The following TMEM59 variants were observed in gnomAD, a reference collection of about 807,000 sequenced individuals.
TMEM59 encodes dendritic cell factor 1.
Under a neutral mutation model 42.2 loss-of-function variants are expected in TMEM59, and 44 were observed. That is an observed-to-expected ratio of 1.04 (90% CI 0.82 to 1.34). The LOEUF (loss-of-function observed/expected upper bound fraction) is 1.34. Ranked by LOEUF, TMEM59 falls within the 40% of genes most tolerant of loss-of-function variation. The probability of loss-of-function intolerance (pLI) is 0.00; values close to 1 mark genes in which losing one functional copy is unlikely to be tolerated. For missense variants in TMEM59, 359 were observed against 382.8 expected (o/e 0.94, Z 0.52); for synonymous variants, 148 against 145.8 (o/e 1.02, Z -0.11).
At chr1:54,050,937 C>T (rs1375353909) in intron 1 of TMEM59, among the ~76,000 whole-genome samples, 3 of 151,966 alleles carry the variant, frequency 2.0e-5, no homozygotes, top group Admixed American at 6.6e-5. Context: ...CGGCTCACTG[C>T]GACCTGCGCC....
rs569864156 is a variant in TMEM59, at chr1:54,053,097, C to T, written c.92G>A (p.Gly31Glu). 3.2e-5 allele frequency: 51 copies of T among 1,614,264 alleles called. 1 individual carries two copies. The Admixed American group carries it at 6.3e-4, about 20-fold the overall frequency. Residue 31 changes from glycine to glutamate, a missense_variant, in exon 1 of 8, where the codon GGG (glycine) becomes GAG (glutamate). By Grantham distance (98) the Gly-to-Glu change is moderately conservative. Transcript: ENST00000234831. ...GTCAAATGCTTCAGCCGAAGCGGTCCCCGAACCTCCGGCCAAGGCCATGGT... is the reference window on the plus strand; with the variant it reads ...GTCAAATGCTTCAGCCGAAGCGGTCTCCGAACCTCCGGCCAAGGCCATGGT... ...LLTMALAGGS[G>E]TASAEAFDSV...
chr1:54,050,834 T>G (rs940950371), intron 1 of TMEM59, among the ~76,000 whole-genome samples: 3 of 151,980 alleles, frequency 2.0e-5, no homozygotes, highest in African/African-American at 7.3e-5. Flanking sequence ...AGTGCTGGGA[T>G]TACAGGAGTG....
intron 6 of TMEM59, among the ~76,000 whole-genome samples, chr1:54,037,964 A>T (rs1024442113): frequency 2.6e-5 from 4 of 152,100 alleles, no homozygotes; most frequent in African/African-American, 9.7e-5. Context: ...TCATCCCTTC[A>T]ATCTCCACAA....
chr1:54,028,182 A>G lies in TMEM59; in HGVS notation c.*3968T>C, dbSNP rs1172897679. The G allele has an allele frequency of 2.0e-5, 3 of 152,228 alleles. No homozygotes were observed. The highest frequency in any genetic ancestry group is 1.3e-4 in the Admixed American group (2 of 15,278). The allele number at this position is 152,228 out of a possible 1,614,324, so 9.4% of individuals were successfully genotyped here. The stretch of plus-strand genomic sequence containing the variant: ...GGCAGCCTTCCCAGTTTGCTCAAAC[A>G]TTCTGTTGCCAGGCTGTGACCAGGA... On this transcript the variant is annotated 3_prime_UTR_variant, in exon 8 of 8. Coordinates refer to ENST00000234831, the MANE Select transcript of TMEM59 (RefSeq NM_004872.5).
chr1:54,042,201 C>G (rs1360384050), intron 4 of TMEM59, among the ~76,000 whole-genome samples: 1 of 152,122 alleles, frequency 6.6e-6, no homozygotes, highest in African/African-American at 2.4e-5. Context: ...CACATTATCT[C>G]TATTTATTCT....
intron 1 of TMEM59, among the ~76,000 whole-genome samples, chr1:54,051,044 G>A (rs1287615221): frequency 4.1e-5 from 6 of 146,882 alleles, no homozygotes; most frequent in Non-Finnish European, 9.0e-5. Flanking sequence ...TTCCAGAGAC[G>A]GGGTCTTGCC....
chr1:54,050,253 G>T (rs1298016820), intron 1 of TMEM59, among the ~76,000 whole-genome samples: 1 of 151,944 alleles, frequency 6.6e-6, no homozygotes, highest in Non-Finnish European at 1.5e-5. Context: ...AGCCTCCTGA[G>T]TAGCTGGGAT....
chr1:54,042,105 A>T (rs1273281753), intron 4 of TMEM59, among the ~76,000 whole-genome samples: 1 of 150,800 alleles, frequency 6.6e-6, no homozygotes, highest in African/African-American at 2.5e-5. Context: ...GACATACTAC[A>T]TTAAATACTA....
At position 54,036,672 on chromosome 1, in the gene TMEM59, C is replaced by A. The variant is rs755165651; in HGVS notation, c.754G>T (p.Val252Leu). ...GTTGCACAACAAATCCAAAGCAATA[C>A]CATCACCGAGAGGACAAGAGTTGTA... Reference protein sequence around the residue: ...LTTTLVLSVMVLLWICCATVA... With the variant: ...LTTTLVLSVMLLLWICCATVA... The change falls in exon 7 of 8, where the codon GTA (valine) becomes TTA (leucine). Residue 252 changes from valine (V) to leucine (L), a missense_variant. By Grantham distance (32) the Val-to-Leu change is conservative. Coordinates refer to ENST00000234831, the MANE Select transcript of TMEM59 (RefSeq NM_004872.5). 1 of 1,611,028 alleles carries A rather than the reference C, an allele frequency of 6.2e-7. No homozygotes were observed. Among genetic ancestry groups the A allele is most frequent in the East Asian group, 2.2e-5 (1 of 44,730 alleles).
At chr1:54,044,341 C>G (rs867459030) in intron 3 of TMEM59, 719 of 70,430 alleles carry the variant, frequency 0.01, 77 homozygotes, top group African/African-American at 0.029. Flanking sequence ...GACTCCATCA[C>G]AAAAAAAAAA....
intron 1 of TMEM59, among the ~76,000 whole-genome samples, 191 bp downstream of exon 1, chr1:54,052,809 G>A (rs899714185): frequency 4.6e-5 from 7 of 152,154 alleles, no homozygotes; most frequent in African/African-American, 1.7e-4. Context: ...GGTAGTGCAG[G>A]ACAAACTTCC....
At chr1:54,051,630 T>C (rs1204273200) in intron 1 of TMEM59, among the ~76,000 whole-genome samples, 3 of 152,098 alleles carry the variant, frequency 2.0e-5, no homozygotes, top group Non-Finnish European at 4.4e-5. Context: ...CCTAGAACAA[T>C]AGAAAGTAAG....
chr1:54,047,209 G>A, intron 2 of TMEM59, 58 bp downstream of exon 2: 1 of 1,384,144 alleles, frequency 7.2e-7, no homozygotes. Flanking sequence ...TACTTCAAAA[G>A]CTTATCACAA....
At position 54,032,319 on chromosome 1, in the gene TMEM59, C is replaced by T. The variant is rs764061133; in HGVS notation, c.817-14G>A. ...GATACTCAGCTTCTGCAAAAGAAAA[C>T]CAATGTACATTAGTAGTCTGGATAA... On this transcript the variant is annotated splice_polypyrimidine_tract_variant and intron_variant, in intron 7 of 7. Transcript: ENST00000234831. 1.3e-6 allele frequency: 2 copies of T among 1,592,802 alleles called. No homozygotes were observed. Among genetic ancestry groups the T allele is most frequent in the East Asian group, 4.5e-5 (2 of 44,600 alleles).
intron 5 of TMEM59, 21 bp from the exon 6 acceptor site, chr1:54,040,858 A>C: frequency 6.3e-7 from 1 of 1,593,746 alleles, no homozygotes; most frequent in Non-Finnish European, 8.6e-7. Context: ...AGTAAGTATG[A>C]GTTTATTATA....
In TMEM59 at chr1:54,028,725, C is replaced by T. The variant is rs1481553084; in HGVS notation, c.*3425G>A. 1 of 152,316 alleles carries T rather than the reference C, an allele frequency of 6.6e-6. No individual in the cohort carries two copies. The highest frequency in any genetic ancestry group is 1.5e-5 in the Non-Finnish European group (1 of 68,136). The allele number at this position is 152,316 out of a possible 1,614,324, so 9.4% of individuals were successfully genotyped here. On this transcript the variant is annotated 3_prime_UTR_variant, in exon 8 of 8. Transcript: ENST00000234831. ...AGTCCTCCTGTGTGCTCCCATAATGCATACAGCTCCTCCTATGTGCTCTGT... is the reference window on the plus strand; with the variant it reads ...AGTCCTCCTGTGTGCTCCCATAATGTATACAGCTCCTCCTATGTGCTCTGT...
At chr1:54,041,179 T>C (rs1657126548) in intron 5 of TMEM59, among the ~76,000 whole-genome samples, 1 of 152,172 alleles carries the variant, frequency 6.6e-6, no homozygotes, top group Non-Finnish European at 1.5e-5. Flanking sequence ...ACCAAAATAA[T>C]TAGAAGGCTA....
chr1:54,035,034 A>G (rs1402478130), intron 7 of TMEM59, among the ~76,000 whole-genome samples: 1 of 152,238 alleles, frequency 6.6e-6, no homozygotes, highest in Non-Finnish European at 1.5e-5. Flanking sequence ...TAAAGGACAC[A>G]ACATTTCAGT....
chr1:54,041,709 T>C lies in TMEM59; in HGVS notation c.625+15A>G. On this transcript the variant is annotated intron_variant, in intron 5 of 7. Coordinates refer to ENST00000234831, the MANE Select transcript of TMEM59 (RefSeq NM_004872.5). ...TGCTAATGTTTTTATCTAAGCTACTTAAAATAAAACTTACAGGACATTTTG... is the reference window on the plus strand; with the variant it reads ...TGCTAATGTTTTTATCTAAGCTACTCAAAATAAAACTTACAGGACATTTTG... 1 of 1,607,844 alleles carries C rather than the reference T, an allele frequency of 6.2e-7. No individual in the cohort carries two copies. The highest frequency in any genetic ancestry group is 1.1e-5 in the South Asian group (1 of 90,384).
Sources: allele counts gnomAD v4.1 joint callset (sites outside exome capture counted in the v4.1 genomes callset), GRCh38; gene constraint gnomAD v4.1.1; transcripts MANE v1.5; gene names NCBI Gene and HGNC (gene_info 2026-07-23, HGNC 2026-07-21).